Variants in RPS4Y1 observed in about 807,000 individuals in gnomAD.
RPS4Y1 encodes the protein small ribosomal subunit protein eS4, Y isoform 1.
For missense variants in RPS4Y1, 30 were observed against 60.9 expected (o/e 0.49, Z 1.69); for synonymous variants, 23 against 20.8 (o/e 1.10, Z -0.28).
At chrY:2,850,329 T>C in intron 4 of RPS4Y1, among the ~76,000 whole-genome samples, 1 of 34,674 alleles carries the variant, frequency 2.9e-5, no homozygotes, top group Non-Finnish European at 7.3e-5. Context: ...TTGCTATCCA[T>C]GCAGAAACTG....
chrY:2,841,666 C>T, intron 1 of RPS4Y1, 39 bp downstream of exon 1: 1 of 382,749 alleles, frequency 2.6e-6, no homozygotes. Context: ...ATATCTGCCT[C>T]CATCATTTGA....
At chrY:2,857,880 T>G in intron 5 of RPS4Y1, among the ~76,000 whole-genome samples, 1 of 34,002 alleles carries the variant, frequency 2.9e-5, no homozygotes, top group Non-Finnish European at 7.3e-5. Context: ...CTCTTCCAGA[T>G]CCTGCTGGAT....
chrY:2,855,886 A>G (rs995271510), intron 5 of RPS4Y1, among the ~76,000 whole-genome samples: 1 of 33,918 alleles, frequency 2.9e-5, no homozygotes, highest in African/African-American at 1.2e-4. Context: ...GGACAAAGGA[A>G]AAAATGTATA....
chrY:2,850,036 G>T, intron 4 of RPS4Y1, among the ~76,000 whole-genome samples: 1 of 34,356 alleles, frequency 2.9e-5, no homozygotes, highest in African/African-American at 1.1e-4. Flanking sequence ...ATGCTTACAG[G>T]CATTTCACTC....
At chrY:2,858,368 G>A (rs2051161374) in intron 5 of RPS4Y1, among the ~76,000 whole-genome samples, 1 of 32,819 alleles carries the variant, frequency 3.0e-5, no homozygotes, top group Non-Finnish European at 7.5e-5. Context: ...TGGTTGGCAG[G>A]CATTTTTAAA....
At chrY:2,857,462 C>G (rs2051160742) in intron 5 of RPS4Y1, among the ~76,000 whole-genome samples, 1 of 34,013 alleles carries the variant, frequency 2.9e-5, no homozygotes, top group Non-Finnish European at 7.3e-5. Context: ...GTCGCCCAGG[C>G]TGGAGTGCAG....
chrY:2,852,587 A>G, intron 4 of RPS4Y1, among the ~76,000 whole-genome samples: 1 of 33,885 alleles, frequency 3.0e-5, no homozygotes, highest in Non-Finnish European at 7.3e-5. Flanking sequence ...TTGAGTTTCT[A>G]TTAGTAGTGG....
intron 4 of RPS4Y1, among the ~76,000 whole-genome samples, chrY:2,845,981 T>C: frequency 2.9e-5 from 1 of 34,181 alleles, no homozygotes; most frequent in Non-Finnish European, 7.3e-5. Context: ...GATATTTCTG[T>C]ACAGGAAAGA....
intron 5 of RPS4Y1, among the ~76,000 whole-genome samples, chrY:2,864,351 G>C: frequency 6.2e-5 from 2 of 32,284 alleles, no homozygotes; most frequent in African/African-American, 2.4e-4. Flanking sequence ...GGCTTTGGTG[G>C]TGTGTCTTCT....
At chrY:2,855,838 G>T (rs961293435) in intron 5 of RPS4Y1, among the ~76,000 whole-genome samples, 2 of 33,524 alleles carry the variant, frequency 6.0e-5, no homozygotes, top group Admixed American at 5.4e-4. Context: ...CATTCAGGAA[G>T]TATTCTTGTC....
At position 2,865,193 on chromosome Y, in the gene RPS4Y1, C is replaced by A. The variant is rs1307743760; in HGVS notation, c.638C>A (p.Ala213Asp). Residue 213 changes from alanine to aspartate, a missense_variant, in exon 6 of 7, where the codon GCC (alanine) becomes GAC (aspartate). Coordinates refer to ENST00000250784, the MANE Select transcript of RPS4Y1 (RefSeq NM_001008.4). ...TTTGATGTGGTGCATGTGAAGGATG[C>A]CAATGGCAACAGCTTTGCCACGAGG... ...GSFDVVHVKDANGNSFATRLS... is the reference protein window; with the variant it reads ...GSFDVVHVKDDNGNSFATRLS... 2.5e-6 allele frequency: 1 copy of A among 398,010 alleles called. No homozygotes were observed. The highest frequency in any genetic ancestry group is 9.2e-5 in the East Asian group (1 of 10,848).
intron 1 of RPS4Y1, 107 bp from the exon 2 acceptor site, chrY:2,842,058 T>C: frequency 3.1e-6 from 1 of 323,462 alleles, no homozygotes; most frequent in Non-Finnish European, 4.6e-6. Context: ...CTGGGCGATC[T>C]TTTCTCCTTG....
intron 4 of RPS4Y1, among the ~76,000 whole-genome samples, chrY:2,847,577 G>A: frequency 3.0e-5 from 1 of 33,388 alleles, no homozygotes; most frequent in Non-Finnish European, 7.4e-5. Context: ...ATTGTGAGTG[G>A]GGGTAGAGAG....
chrY:2,846,288 T>C, intron 4 of RPS4Y1, among the ~76,000 whole-genome samples: 1 of 33,480 alleles, frequency 3.0e-5, no homozygotes, highest in Non-Finnish European at 7.4e-5. Context: ...GGGAGTTGCT[T>C]TCTGTGTGGA....
chrY:2,841,634 C>G lies in RPS4Y1; in HGVS notation c.3+7C>G. The stretch of plus-strand genomic sequence containing the variant: ...GTCGCAGAGTTTCGCCATGGTAAGA[C>G]CGATAGTTCCTAACTCCTAGTATAT... On this transcript the variant is annotated splice_region_variant and intron_variant, in intron 1 of 6. Transcript: ENST00000250784. 5.1e-6 allele frequency: 2 copies of G among 391,697 alleles called. No individual in the cohort carries two copies. Among genetic ancestry groups the G allele is most frequent in the Non-Finnish European group, 7.2e-6 (2 of 278,638 alleles).
chrY:2,858,006 G>C, intron 5 of RPS4Y1, among the ~76,000 whole-genome samples: 1 of 33,533 alleles, frequency 3.0e-5, no homozygotes, highest in East Asian at 7.6e-4. Flanking sequence ...CTTACCAACA[G>C]TGTAGAAGAA....
intron 6 of RPS4Y1, 86 bp from the exon 7 acceptor site, chrY:2,866,707 T>A: frequency 1.0e-5 from 2 of 190,762 alleles, no homozygotes; most frequent in Non-Finnish European, 1.9e-5. Flanking sequence ...TGAAGGAAGG[T>A]ATGAGGCATG....
chrY:2,853,146 A>G, intron 4 of RPS4Y1, among the ~76,000 whole-genome samples: 1 of 33,459 alleles, frequency 3.0e-5, no homozygotes, highest in Non-Finnish European at 7.4e-5. Context: ...AAAAGCAGTG[A>G]TAAGAGAGAA....
chrY:2,859,486 T>C, intron 5 of RPS4Y1, among the ~76,000 whole-genome samples: 1 of 33,770 alleles, frequency 3.0e-5, no homozygotes, highest in African/African-American at 1.2e-4. Flanking sequence ...GTTATTTTCT[T>C]TGTGGTTACC....
Sources: allele counts gnomAD v4.1 joint callset (sites outside exome capture counted in the v4.1 genomes callset), GRCh38; gene constraint gnomAD v4.1.1; transcripts MANE v1.5; gene names NCBI Gene and HGNC (gene_info 2026-07-23, HGNC 2026-07-21).